NEMF: variants seen among roughly 807,000 people sequenced by gnomAD.
NEMF encodes ribosome quality control complex subunit NEMF.
A neutral mutation model predicts 162.2 loss-of-function variants in NEMF; 89 were observed. The ratio of observed to expected loss-of-function variants is 0.55; its 90% CI spans 0.46 to 0.65. The LOEUF is 0.65. Ranked by LOEUF, NEMF falls within the 30% of genes least tolerant of loss-of-function variation. NEMF has a pLI of 0.00. For synonymous variants in NEMF, 421 were observed against 404.5 expected (o/e 1.04, Z -0.49); for missense variants, 1,133 against 1,261.9 (o/e 0.90, Z 1.55).
intron 28 of NEMF, chr14:49,786,983 G>A (rs561252489): frequency 2.5e-4 from 115 of 453,388 alleles, no homozygotes; most frequent in Middle Eastern, 1.8e-3. Flanking sequence ...GAGAAGAAGG[G>A]TAGTTCTCTG....
rs1594786144 is a variant in NEMF, at chr14:49,831,517, A to G, written c.883-156T>C. Reference sequence around the variant, plus strand: ...CAGTGGCGCGATCTAGGCTCACTGCAACTTCCACCTCCGAGGTTCAAGTGA... The same window carrying G: ...CAGTGGCGCGATCTAGGCTCACTGCGACTTCCACCTCCGAGGTTCAAGTGA... On this transcript the variant is annotated intron_variant, in intron 10 of 32. Coordinates refer to ENST00000298310, the MANE Select transcript of NEMF (RefSeq NM_004713.6). Among the ~76,000 whole-genome samples, 7 of 151,928 alleles carry G rather than the reference A, an allele frequency of 4.6e-5. 1 individual carries two copies. In the Middle Eastern group the frequency reaches 0.02, roughly 443 times the overall value.
chr14:49,838,113 T>C, intron 6 of NEMF, 26 bp downstream of exon 6: 1 of 1,571,204 alleles, frequency 6.4e-7, no homozygotes, highest in Non-Finnish European at 8.7e-7. Flanking sequence ...TGCAAACATT[T>C]CACTGCTATT....
intron 4 of NEMF, among the ~76,000 whole-genome samples, chr14:49,842,455 G>A (rs1484154540): frequency 6.6e-6 from 1 of 152,106 alleles, no homozygotes; most frequent in East Asian, 1.9e-4. Context: ...TAAAGCTAAC[G>A]AAAGAATACC....
At chr14:49,851,405 A>C (rs1893768326) in intron 3 of NEMF, among the ~76,000 whole-genome samples, 158 bp downstream of exon 3, 3 of 152,232 alleles carry the variant, frequency 2.0e-5, no homozygotes. Flanking sequence ...GAAATCAATT[A>C]ATAAATATTC....
rs1430888668 is a variant in NEMF at position 49,782,464 on chromosome 14, A to G, written c.*2172T>C. On this transcript the variant is annotated 3_prime_UTR_variant, in exon 33 of 33. Coordinates refer to ENST00000298310, the MANE Select transcript of NEMF (RefSeq NM_004713.6). ...GCTTGTCCATCACAGAGCTGTAAGT[A>G]TACTACCTTCACATTATTACTGAAA... The G allele has an allele frequency of 2.7e-5, 43 of 1,606,454 alleles. No homozygotes were observed. The East Asian group carries it at 9.4e-4, about 35-fold the overall frequency.
At chr14:49,846,971 C>A (rs967336840) in intron 3 of NEMF, among the ~76,000 whole-genome samples, 9 of 152,072 alleles carry the variant, frequency 5.9e-5, no homozygotes, top group African/African-American at 2.2e-4. Flanking sequence ...CTGCAACCTC[C>A]GCCTCCCAGG....
intron 19 of NEMF, 137 bp downstream of exon 19, chr14:49,805,884 C>T (rs1287633754): frequency 6.0e-6 from 3 of 499,190 alleles, no homozygotes; most frequent in Non-Finnish European, 1.1e-5. Context: ...TATTACCTGA[C>T]ATTATGTACA....
chr14:49,800,310 C>A (rs1385744692), intron 23 of NEMF, 110 bp downstream of exon 23: 3 of 841,396 alleles, frequency 3.6e-6, no homozygotes, highest in African/African-American at 1.7e-5. Context: ...AGTATTAAGA[C>A]AATGGAGTGT....
At chr14:49,790,984 ACT>A (rs1211635372) in intron 26 of NEMF, among the ~76,000 whole-genome samples, 1 of 151,434 alleles carries the variant, frequency 6.6e-6, no homozygotes, top group Non-Finnish European at 1.5e-5. Context: ...CAAGAGTAAA[ACT>A]CTGTCTCAAA....
chr14:49,789,874 G>A (rs1159821560), intron 26 of NEMF, among the ~76,000 whole-genome samples: 2 of 152,168 alleles, frequency 1.3e-5, no homozygotes, highest in Non-Finnish European at 2.9e-5. Flanking sequence ...AAAAGGAAGA[G>A]AACAGTAATA....
intron 22 of NEMF, 150 bp from the exon 23 acceptor site, chr14:49,800,846 T>TA (rs1224413679): frequency 1.5e-6 from 1 of 667,282 alleles, no homozygotes; most frequent in East Asian, 2.7e-5. Flanking sequence ...AGGGTACTCT[T>TA]AGACAAAAGA....
chr14:49,808,769 CA>C (rs1296591086), intron 18 of NEMF, among the ~76,000 whole-genome samples: 2 of 150,980 alleles, frequency 1.3e-5, no homozygotes, highest in African/African-American at 4.9e-5. Flanking sequence ...AAAATACTTG[CA>C]AAAGACATAG....
intron 25 of NEMF, chr14:49,796,325 T>C (rs111927127): frequency 2.8e-5 from 13 of 459,334 alleles, no homozygotes; most frequent in African/African-American, 4.0e-5. Flanking sequence ...GACCGGTTGG[T>C]TGACTAAATG....
chr14:49,793,745 G>T lies in NEMF; in HGVS notation c.2619+2046C>A, dbSNP rs1890559501. Among the ~76,000 whole-genome samples, 3 of 151,682 alleles carry T rather than the reference G, an allele frequency of 2.0e-5. 1 individual carries two copies. The South Asian group carries it at 6.2e-4, about 32-fold the overall frequency. On this transcript the variant is annotated intron_variant, in intron 26 of 32. Coordinates refer to ENST00000298310, the MANE Select transcript of NEMF (RefSeq NM_004713.6). ...CGTTGCGTACCCATAATTTTTTTTA[G>T]GATAAATTCCTATAAGAGGAATTGC... is the stretch of plus-strand genomic sequence containing the variant.
At chr14:49,790,446 G>A (rs1233000843) in intron 26 of NEMF, among the ~76,000 whole-genome samples, 3 of 151,986 alleles carry the variant, frequency 2.0e-5, no homozygotes, top group Admixed American at 2.0e-4. Context: ...TAGTCATCAG[G>A]AACATGAAAT....
At chr14:49,791,880 A>T (rs946186003) in intron 26 of NEMF, among the ~76,000 whole-genome samples, 1 of 152,166 alleles carries the variant, frequency 6.6e-6, no homozygotes, top group Non-Finnish European at 1.5e-5. Flanking sequence ...ATGACAACAG[A>T]GTTTCTTAGA....
chr14:49,808,576 T>TAAAAATTTATGCCTTGTTTTCTTC (rs1891328706), intron 18 of NEMF, among the ~76,000 whole-genome samples: 1 of 152,190 alleles, frequency 6.6e-6, no homozygotes, highest in South Asian at 2.1e-4. Flanking sequence ...TACAAGATCA[T>TAAAAATTTATGCCTTGTTTTCTTC]AAAAATTTAT....
At chr14:49,806,234 A>ATG (rs1292105949) in intron 18 of NEMF, 101 bp from the exon 19 acceptor site, 5 of 27,240 alleles carry the variant, frequency 1.8e-4, no homozygotes, top group African/African-American at 9.2e-4. Flanking sequence ...TGATATGTGT[A>ATG]TATATATATA....
Position 49,840,805 on chromosome 14 carries a change from T to G in NEMF, c.419A>C (p.Asp140Ala). Residue 140 changes from aspartate to alanine, a missense_variant, in exon 5 of 33, where the codon GAT (aspartate) becomes GCT (alanine). Asp to Ala is a moderately radical substitution (Grantham distance 126). Transcript: ENST00000298310. ...AGCAAATTTAACATCATCTGCCTCA[T>G]CAGTTCGAAACCTTAGAATATTTAA... ...VILNILRFRT[D>A]EADDVKFAVR... 5 of 1,613,770 alleles carry G rather than the reference T, an allele frequency of 3.1e-6. No individual in the cohort carries two copies. The highest frequency in any genetic ancestry group is 3.4e-6 in the Non-Finnish European group (4 of 1,179,688).
Sources: gnomAD v4.1 joint callset for allele counts (sites outside exome capture counted in the v4.1 genomes callset) on GRCh38, gnomAD v4.1.1 for gene constraint, MANE v1.5 for transcripts, NCBI Gene and HGNC (gene_info 2026-07-23, HGNC 2026-07-21) for gene names.